The following XPR1 variants were observed in gnomAD, a reference collection of about 807,000 sequenced individuals.
XPR1 encodes the protein solute carrier family 53 member 1.
XPR1 carries 28 observed loss-of-function variants against 87.5 expected under a neutral mutation model. The ratio of observed to expected loss-of-function variants is 0.32; its 90% CI spans 0.24 to 0.44. The LOEUF (loss-of-function observed/expected upper bound fraction) is 0.44, where lower values mean the gene tolerates loss of function less well. Ranked by LOEUF, XPR1 falls within the 20% of genes least tolerant of loss-of-function variation. The pLI is 1.00. For missense variants in XPR1, 559 were observed against 862.3 expected (o/e 0.65, Z 4.41); for synonymous variants, 300 against 306.1 (o/e 0.98, Z 0.21).
rs1047126789 is a variant in XPR1, at chr1:180,884,918, G to C, written c.*852G>C. 52 of 152,248 alleles carry C rather than the reference G, an allele frequency of 3.4e-4. No individual in the cohort carries two copies. Among genetic ancestry groups the C allele is most frequent in the African/African-American group, 1.2e-3 (51 of 41,450 alleles). 9.4% of individuals were successfully genotyped at this position (152,248 alleles called of 1,614,324 possible). On this transcript the variant is annotated 3_prime_UTR_variant, in exon 15 of 15. Transcript: ENST00000367590. ...TAAGTTGCTGCTGCTTTAGAGTCCT[G>C]AGCATATCTCTCATAACAAGGAATC...
At chr1:180,824,605 T>C in intron 7 of XPR1, 148 bp from the exon 8 acceptor site, 2 of 674,738 alleles carry the variant, frequency 3.0e-6, no homozygotes, top group South Asian at 4.1e-5. Flanking sequence ...GATAGATAGA[T>C]AGATAGATGA....
At chr1:180,670,978 G>A (rs982251304) in intron 1 of XPR1, among the ~76,000 whole-genome samples, 3 of 152,226 alleles carry the variant, frequency 2.0e-5, no homozygotes, top group East Asian at 1.9e-4. Flanking sequence ...TAAAAGATGG[G>A]GATAAAGGGA....
intron 2 of XPR1, among the ~76,000 whole-genome samples, chr1:180,702,532 C>A (rs1657380349): frequency 6.6e-6 from 1 of 151,982 alleles, no homozygotes; most frequent in East Asian, 1.9e-4. Context: ...AAAGACTTGT[C>A]TTCAAGTTCA....
rs1394146606 is a variant in XPR1, at chr1:180,888,669, TAGCTAAGAC to T, written c.*4605_*4613del. ...CTAAATTTTTCTTGCTTGTGATCAT[TAGCTAAGAC>T]AAGGAGTGTTAAAGGTTTTCTAAAT... On this transcript the variant is annotated 3_prime_UTR_variant, in exon 15 of 15. Transcript: ENST00000367590. 1.5e-5 allele frequency: 2 copies of T among 132,988 alleles called. No homozygotes were observed. The highest frequency in any genetic ancestry group is 3.5e-5 in the Non-Finnish European group (2 of 56,702). 8.2% of individuals were successfully genotyped at this position (132,988 alleles called of 1,614,324 possible).
chr1:180,682,199 T>A (rs1048744979), intron 1 of XPR1, among the ~76,000 whole-genome samples, 161 bp from the exon 2 acceptor site: 2 of 152,208 alleles, frequency 1.3e-5, no homozygotes, highest in South Asian at 4.1e-4. Flanking sequence ...TGTGAAGTTA[T>A]AATGTTTGGA....
chr1:180,755,338 G>A (rs1647691053), intron 2 of XPR1, among the ~76,000 whole-genome samples: 1 of 152,166 alleles, frequency 6.6e-6, no homozygotes, highest in South Asian at 2.1e-4. Context: ...AGAAGCAGGT[G>A]AAATACAATG....
chr1:180,742,218 T>C (rs1658944218), intron 2 of XPR1, among the ~76,000 whole-genome samples: 1 of 152,148 alleles, frequency 6.6e-6, no homozygotes, highest in African/African-American at 2.4e-5. Context: ...TTTTCTATTT[T>C]CTTAAAGTGG....
chr1:180,820,042 TATACACACAC>T (rs1028800352), intron 7 of XPR1, among the ~76,000 whole-genome samples: 3 of 151,674 alleles, frequency 2.0e-5, no homozygotes, highest in African/African-American at 7.3e-5. Flanking sequence ...ATTATATATA[TATACACACAC>T]ATACACACAT....
chr1:180,761,731 G>C (rs892538406), intron 2 of XPR1, among the ~76,000 whole-genome samples: 21 of 152,100 alleles, frequency 1.4e-4, no homozygotes, highest in Non-Finnish European at 2.5e-4. Flanking sequence ...CAGGGATCTA[G>C]AACTAGAAAT....
At chr1:180,689,588 A>T (rs934267349) in intron 2 of XPR1, among the ~76,000 whole-genome samples, 2 of 152,216 alleles carry the variant, frequency 1.3e-5, no homozygotes, top group African/African-American at 4.8e-5. Context: ...ATGAAGACAG[A>T]ATAGTGAGAG....
chr1:180,709,777 T>TGA (rs1657699219), intron 2 of XPR1, among the ~76,000 whole-genome samples: 1 of 152,210 alleles, frequency 6.6e-6, no homozygotes, highest in African/African-American at 2.4e-5. Context: ...CTAACGATAT[T>TGA]GAGACTTTTC....
intron 14 of XPR1, 94 bp downstream of exon 14, chr1:180,880,391 G>A: frequency 7.1e-7 from 1 of 1,411,638 alleles, no homozygotes; most frequent in Non-Finnish European, 9.7e-7. Context: ...TGAACCAAAT[G>A]AAATTGCCAA....
chr1:180,702,528 T>C (rs925495243), intron 2 of XPR1, among the ~76,000 whole-genome samples: 1 of 152,172 alleles, frequency 6.6e-6, no homozygotes, highest in Non-Finnish European at 1.5e-5. Context: ...TTAAAAAGAC[T>C]TGTCTTCAAG....
At chr1:180,693,119 G>A (rs1657044080) in intron 2 of XPR1, among the ~76,000 whole-genome samples, 1 of 152,326 alleles carries the variant, frequency 6.6e-6, no homozygotes, top group African/African-American at 2.4e-5. Flanking sequence ...ACTCTACGTT[G>A]TAGAGGAAAA....
rs376829958 is a variant in XPR1 at position 180,656,488 on chromosome 1, AT to A, written c.69+24221del. ...ATAATATTTATACATTATATATAAT[AT>A]TTATATATTATATATAATATTTATA... On this transcript the variant is annotated intron_variant, in intron 1 of 14. Coordinates refer to ENST00000367590, the MANE Select transcript of XPR1 (RefSeq NM_004736.4). Among the ~76,000 whole-genome samples, 16 of 16,446 alleles carry A rather than the reference AT, an allele frequency of 9.7e-4. 5 individuals carry two copies. Among genetic ancestry groups the A allele is most frequent in the South Asian group, 3.4e-3 (2 of 596 alleles). The allele number at this position is 16,446 out of a possible 152,430, so 10.8% of individuals were successfully genotyped here. A position where few individuals can be genotyped will look rare whatever the true frequency, so the allele number is the denominator to read the frequency against.
intron 2 of XPR1, among the ~76,000 whole-genome samples, chr1:180,708,584 ATT>A (rs570934811): frequency 1.4e-5 from 2 of 147,756 alleles, no homozygotes; most frequent in African/African-American, 2.5e-5. Flanking sequence ...TTGCAAGGTG[ATT>A]TTTTTTTTTA....
At chr1:180,792,594 A>G (rs1223161048) in intron 3 of XPR1, among the ~76,000 whole-genome samples, 1 of 152,176 alleles carries the variant, frequency 6.6e-6, no homozygotes, top group Non-Finnish European at 1.5e-5. Context: ...AAAAATTGAC[A>G]TTTATTTAGA....
chr1:180,715,370 C>T (rs1164302776), intron 2 of XPR1, among the ~76,000 whole-genome samples: 3 of 152,084 alleles, frequency 2.0e-5, no homozygotes, highest in Admixed American at 6.5e-5. Context: ...CATGCTATAA[C>T]GAATCTTGGA....
At chr1:180,717,496 A>G (rs1658036337) in intron 2 of XPR1, among the ~76,000 whole-genome samples, 1 of 152,190 alleles carries the variant, frequency 6.6e-6, no homozygotes, top group African/African-American at 2.4e-5. Flanking sequence ...GTGGCAGCCA[A>G]AAGTGTTTTT....
Sources: gnomAD v4.1 joint callset for allele counts (sites outside exome capture counted in the v4.1 genomes callset) on GRCh38, gnomAD v4.1.1 for gene constraint, MANE v1.5 for transcripts, NCBI Gene and HGNC (gene_info 2026-07-23, HGNC 2026-07-21) for gene names.